The following SMYD3 variants were observed in gnomAD, a reference collection of about 807,000 sequenced individuals.
The protein encoded by SMYD3 is histone-lysine N-methyltransferase SMYD3.
Under a neutral mutation model 57.7 loss-of-function variants are expected in SMYD3, and 36 were observed. That is an observed-to-expected ratio of 0.62 (90% CI 0.48 to 0.82). The LOEUF (loss-of-function observed/expected upper bound fraction) is 0.82, where lower values mean the gene tolerates loss of function less well. Among genes scored for constraint, SMYD3 ranks in the 40% least tolerant of loss-of-function variants. The probability of loss-of-function intolerance (pLI) is 0.00; values close to 1 mark genes in which losing one functional copy is unlikely to be tolerated. For synonymous variants in SMYD3, 211 were observed against 195.0 expected, an observed-to-expected ratio of 1.08 and a Z score of -0.68; for missense variants, 515 against 538.8, an observed-to-expected ratio of 0.96 and a Z score of 0.44.
At chr1:245,950,202 T>C (rs1283153020) in intron 5 of SMYD3, among the ~76,000 whole-genome samples, 2 of 152,186 alleles carry the variant, frequency 1.3e-5, no homozygotes, top group African/African-American at 4.8e-5. Flanking sequence ...GACCTAATAC[T>C]GTTAGGTGAG....
At chr1:246,079,286 T>C (rs2060598819) in intron 5 of SMYD3, among the ~76,000 whole-genome samples, 1 of 152,204 alleles carries the variant, frequency 6.6e-6, no homozygotes, top group Admixed American at 6.5e-5. Flanking sequence ...TGAATGATTG[T>C]AAGGATTTTT....
At chr1:245,952,059 C>T (rs1026440171) in intron 5 of SMYD3, among the ~76,000 whole-genome samples, 4 of 151,866 alleles carry the variant, frequency 2.6e-5, no homozygotes, top group Admixed American at 6.6e-5. Context: ...TAGAATTTGC[C>T]GTTTCTGGAA....
At chr1:246,002,138 C>T (rs1053006347) in intron 5 of SMYD3, among the ~76,000 whole-genome samples, 6 of 152,084 alleles carry the variant, frequency 3.9e-5, no homozygotes, top group African/African-American at 1.4e-4. Flanking sequence ...AAGCGCATGC[C>T]AGTTGTGAGG....
At chr1:245,913,617 G>GAT (rs1456726014) in intron 8 of SMYD3, among the ~76,000 whole-genome samples, 8 of 151,096 alleles carry the variant, frequency 5.3e-5, no homozygotes, top group Admixed American at 4.0e-4. Flanking sequence ...AACAAAAATA[G>GAT]ATAAATGAGA....
At chr1:246,040,155 G>A (rs1230435027) in intron 5 of SMYD3, among the ~76,000 whole-genome samples, 1 of 152,148 alleles carries the variant, frequency 6.6e-6, no homozygotes, top group Non-Finnish European at 1.5e-5. Context: ...CTAACACGTG[G>A]TTTGCAATTA....
At chr1:246,049,200 C>T (rs780084783) in intron 5 of SMYD3, among the ~76,000 whole-genome samples, 42 of 152,262 alleles carry the variant, frequency 2.8e-4, no homozygotes, top group African/African-American at 7.5e-4. Context: ...TGACAATAAA[C>T]GACTCTGTGC....
chr1:245,887,948 T>C (rs2053176641), intron 8 of SMYD3, among the ~76,000 whole-genome samples: 1 of 152,032 alleles, frequency 6.6e-6, no homozygotes, highest in East Asian at 1.9e-4. Context: ...TAATTATGGG[T>C]GAGTAATAAG....
At chr1:245,834,961 T>A (rs1441950006) in intron 10 of SMYD3, among the ~76,000 whole-genome samples, 1 of 152,152 alleles carries the variant, frequency 6.6e-6, no homozygotes, top group Non-Finnish European at 1.5e-5. Flanking sequence ...GCCTTTTCCA[T>A]TATATGAGAA....
intron 2 of SMYD3, among the ~76,000 whole-genome samples, chr1:246,345,883 C>T (rs1046893452): frequency 3.9e-5 from 6 of 152,170 alleles, no homozygotes. Flanking sequence ...CCTTAAACCC[C>T]AGGATCCCCT....
chr1:246,470,213 T>C (rs2067939369), intron 1 of SMYD3, among the ~76,000 whole-genome samples: 1 of 152,122 alleles, frequency 6.6e-6, no homozygotes, highest in South Asian at 2.1e-4. Context: ...ATAATCCAGC[T>C]GGACACAGTG....
chr1:246,374,047 T>C (rs1354787116), intron 1 of SMYD3, among the ~76,000 whole-genome samples: 4 of 152,176 alleles, frequency 2.6e-5, no homozygotes, highest in Non-Finnish European at 5.9e-5. Context: ...CACTCTTTCC[T>C]AGCATGAAGA....
intron 5 of SMYD3, among the ~76,000 whole-genome samples, chr1:246,241,025 T>C (rs143510340): frequency 6.6e-6 from 1 of 152,034 alleles, no homozygotes; most frequent in Non-Finnish European, 1.5e-5. Context: ...TATACACTCA[T>C]GTCATCTGCT....
intron 5 of SMYD3, among the ~76,000 whole-genome samples, chr1:246,261,683 CA>C (rs201450801): frequency 6.5e-5 from 9 of 138,388 alleles, no homozygotes; most frequent in East Asian, 4.8e-4. Context: ...TATTATACTT[CA>C]AAAAAAAACA....
At chr1:246,223,809 T>C (rs1000565409) in intron 5 of SMYD3, among the ~76,000 whole-genome samples, 1 of 152,126 alleles carries the variant, frequency 6.6e-6, no homozygotes, top group African/African-American at 2.4e-5. Context: ...GTACACTAAA[T>C]GGTCCTTTAC....
At position 246,115,438 on chromosome 1, in the gene SMYD3, T is replaced by A. The variant is rs112539429; in HGVS notation, c.532-185501A>T. ...AGATTAAAAGCAAGACCCCTTCCCCTACACACACTAAATAAAACTGTTTCC... is the reference window on the plus strand; with the variant it reads ...AGATTAAAAGCAAGACCCCTTCCCCAACACACACTAAATAAAACTGTTTCC... On this transcript the variant is annotated intron_variant, in intron 5 of 11. Coordinates refer to ENST00000490107, the MANE Select transcript of SMYD3 (RefSeq NM_001167740.2). Among the ~76,000 whole-genome samples the A allele has an allele frequency of 1.8e-3, 270 of 152,266 alleles. 5 individuals are homozygous for A. The highest frequency in any genetic ancestry group is 6.1e-3 in the African/African-American group (254 of 41,568).
At chr1:245,839,461 G>A (rs116281088) in intron 10 of SMYD3, among the ~76,000 whole-genome samples, 2,356 of 151,814 alleles carry the variant, frequency 0.016, 26 homozygotes, top group Middle Eastern at 0.027. Flanking sequence ...GAGCCACTGT[G>A]CCCAGCCCAG....
intron 1 of SMYD3, among the ~76,000 whole-genome samples, chr1:246,403,771 T>C (rs2066813888): frequency 6.6e-6 from 1 of 152,234 alleles, no homozygotes; most frequent in African/African-American, 2.4e-5. Flanking sequence ...GCTGAAAATG[T>C]AATGCTGAGC....
chr1:245,749,773 A>T, intron 11 of SMYD3, 109 bp from the exon 12 acceptor site: 6 of 756,504 alleles, frequency 7.9e-6, no homozygotes, highest in Non-Finnish European at 1.4e-5. Flanking sequence ...ACAGGTTTAC[A>T]GGGTGAACAG....
intron 5 of SMYD3, among the ~76,000 whole-genome samples, chr1:246,022,108 C>T (rs1394688424): frequency 6.6e-6 from 1 of 152,174 alleles, no homozygotes; most frequent in African/African-American, 2.4e-5. Context: ...AATCAAATGA[C>T]GAGAGAACGC....
Sources: gnomAD v4.1 joint callset for allele counts (sites outside exome capture counted in the v4.1 genomes callset) on GRCh38, gnomAD v4.1.1 for gene constraint, MANE v1.5 for transcripts, NCBI Gene and HGNC (gene_info 2026-07-23, HGNC 2026-07-21) for gene names.